DTWD2: variants seen among roughly 807,000 people sequenced by gnomAD.
DTWD2 encodes the protein tRNA-uridine aminocarboxypropyltransferase 2.
Under a neutral mutation model 31.8 loss-of-function variants are expected in DTWD2, and 39 were observed. That is an observed-to-expected ratio of 1.22 (90% CI 0.95 to 1.60). The LOEUF (loss-of-function observed/expected upper bound fraction) is 1.60, where lower values mean the gene tolerates loss of function less well. Among genes scored for constraint, DTWD2 ranks in the 40% most tolerant of loss-of-function variants. DTWD2 has a pLI of 0.00. For missense variants in DTWD2, 515 were observed against 381.5 expected, an observed-to-expected ratio of 1.35 and a Z score of -2.92; for synonymous variants, 180 against 142.8, an observed-to-expected ratio of 1.26 and a Z score of -1.86.
chr5:118,913,710 G>GA (rs1753512290), intron 4 of DTWD2, among the ~76,000 whole-genome samples: 1 of 151,664 alleles, frequency 6.6e-6, no homozygotes, highest in Admixed American at 6.6e-5. Flanking sequence ...GGAAACTACA[G>GA]AAAAAAGTAC....
intron 4 of DTWD2, among the ~76,000 whole-genome samples, chr5:118,908,710 A>C (rs543097057): frequency 6.0e-4 from 91 of 152,236 alleles, no homozygotes; most frequent in African/African-American, 2.2e-3. Context: ...AACAAAAGTA[A>C]TAGAAAAGAA....
rs1263541405 is a variant in DTWD2, at chr5:118,973,653, T to TCGC, written c.218+14638_218+14640dup. On this transcript the variant is annotated intron_variant, in intron 1 of 5. Transcript: ENST00000510708. ...TCCTTGCTCGCGGCAGCCTCCTTGCTCGCGGCAGCCTCCTTGCTCGCCGCA... is the reference window on the plus strand; with the variant it reads ...TCCTTGCTCGCGGCAGCCTCCTTGCTCGCCGCGGCAGCCTCCTTGCTCGCCGCA... 8 of 801,602 alleles carry TCGC rather than the reference T, an allele frequency of 1.0e-5. No individual in the cohort carries two copies. In the East Asian group the frequency reaches 1.9e-4, roughly 19 times the overall value. The allele number at this position is 801,602 out of a possible 1,614,324, so 49.7% of individuals were successfully genotyped here.
At chr5:118,918,836 A>G (rs1425322810) in intron 4 of DTWD2, among the ~76,000 whole-genome samples, 1 of 152,020 alleles carries the variant, frequency 6.6e-6, no homozygotes, top group Non-Finnish European at 1.5e-5. Context: ...AGGAAAAAAA[A>G]AAAAAAAGAA....
At chr5:118,866,868 G>C (rs572439339) in intron 4 of DTWD2, among the ~76,000 whole-genome samples, 1 of 151,768 alleles carries the variant, frequency 6.6e-6, no homozygotes, top group African/African-American at 2.4e-5. Context: ...AGTGAGCCAA[G>C]ATCATGCCAC....
At chr5:118,914,545 T>C (rs1202538828) in intron 4 of DTWD2, among the ~76,000 whole-genome samples, 3 of 152,154 alleles carry the variant, frequency 2.0e-5, no homozygotes, top group Non-Finnish European at 4.4e-5. Context: ...CTACAGTAAA[T>C]ATAATAAGAC....
chr5:118,971,105 C>G (rs1754975149), intron 1 of DTWD2, among the ~76,000 whole-genome samples: 2 of 152,154 alleles, frequency 1.3e-5, no homozygotes, highest in Admixed American at 6.5e-5. Context: ...CAGCTAGCTT[C>G]ATGATGACAG....
chr5:118,898,150 C>T (rs1320822146), intron 4 of DTWD2, among the ~76,000 whole-genome samples: 6 of 152,138 alleles, frequency 3.9e-5, no homozygotes, highest in Non-Finnish European at 7.3e-5. Context: ...TAGGCATGAG[C>T]CACCATGCCC....
At chr5:118,860,617 T>A in intron 4 of DTWD2, among the ~76,000 whole-genome samples, 1 of 152,182 alleles carries the variant, frequency 6.6e-6, no homozygotes. Context: ...TGGTAACATT[T>A]TGCATTCCTA....
At chr5:118,843,924 G>C (rs1167048904) in intron 5 of DTWD2, among the ~76,000 whole-genome samples, 1 of 152,184 alleles carries the variant, frequency 6.6e-6, no homozygotes, top group Non-Finnish European at 1.5e-5. Flanking sequence ...TTAATGAAAT[G>C]TGAGTACAAC....
At chr5:118,958,606 T>C (rs1473690787) in intron 1 of DTWD2, among the ~76,000 whole-genome samples, 1 of 148,298 alleles carries the variant, frequency 6.7e-6, no homozygotes, top group East Asian at 1.9e-4. Context: ...AAAAAGACTA[T>C]TATGAACACC....
chr5:118,918,570 C>T (rs911898254), intron 4 of DTWD2, among the ~76,000 whole-genome samples: 4 of 152,102 alleles, frequency 2.6e-5, no homozygotes, highest in African/African-American at 9.7e-5. Context: ...GAAGCAATAT[C>T]TGAAGCTACC....
intron 4 of DTWD2, among the ~76,000 whole-genome samples, chr5:118,908,122 C>A (rs1753375218): frequency 6.6e-6 from 1 of 152,018 alleles, no homozygotes; most frequent in Admixed American, 6.6e-5. Context: ...CTTCTGTGTC[C>A]ATGAAGATGA....
chr5:118,984,643 A>T (rs1265592228), intron 1 of DTWD2, among the ~76,000 whole-genome samples: 1 of 152,198 alleles, frequency 6.6e-6, no homozygotes, highest in East Asian at 1.9e-4. Flanking sequence ...AAAAGAAAAC[A>T]CTGGAGAGAC....
intron 4 of DTWD2, among the ~76,000 whole-genome samples, chr5:118,851,235 A>AAAAAG (rs1751996050): frequency 6.6e-6 from 1 of 151,596 alleles, no homozygotes; most frequent in Non-Finnish European, 1.5e-5. Context: ...AAAAAAAAAA[A>AAAAAG]AAAGAAAGAA....
intron 3 of DTWD2, among the ~76,000 whole-genome samples, chr5:118,933,556 G>C (rs1374996992): frequency 6.6e-6 from 1 of 151,966 alleles, no homozygotes. Flanking sequence ...AACATCAAAG[G>C]ACTGTATCAA....
chr5:118,983,824 C>T (rs1237321737), intron 1 of DTWD2, among the ~76,000 whole-genome samples: 1 of 152,198 alleles, frequency 6.6e-6, no homozygotes, highest in Non-Finnish European at 1.5e-5. Flanking sequence ...AATTCTGCTA[C>T]CTGCCTGTTA....
intron 2 of DTWD2, among the ~76,000 whole-genome samples, chr5:118,943,040 G>A (rs76928712): frequency 0.019 from 2,844 of 152,222 alleles, 33 homozygotes; most frequent in South Asian, 0.038. Flanking sequence ...GTGGGCTCAA[G>A]TTATCCTCCT....
At chr5:118,937,775 T>C (rs1360184165) in intron 3 of DTWD2, among the ~76,000 whole-genome samples, 2 of 141,698 alleles carry the variant, frequency 1.4e-5, no homozygotes, top group African/African-American at 5.1e-5. Context: ...AGCGGTTGAA[T>C]CCCCTGTTGT....
rs1753991268 is a variant in DTWD2, at chr5:118,934,347, A to T, written c.404+4849T>A. Among the ~76,000 whole-genome samples the T allele has an allele frequency of 2.7e-5, 4 of 150,504 alleles. No homozygotes were observed. In the South Asian group the frequency reaches 8.4e-4, roughly 32 times the overall value. On this transcript the variant is annotated intron_variant, in intron 3 of 5. Transcript: ENST00000510708. ...TGCTTTAGATTTACAGAATTATTGC[A>T]AAAATAGTACAGAGAATTCCTATAT...
Sources: allele counts gnomAD v4.1 joint callset (sites outside exome capture counted in the v4.1 genomes callset), GRCh38; gene constraint gnomAD v4.1.1; transcripts MANE v1.5; gene names NCBI Gene and HGNC (gene_info 2026-07-23, HGNC 2026-07-21).